CADPS: variants seen among roughly 807,000 people sequenced by gnomAD.
CADPS encodes calcium dependent secretion activator, also known as calcium-dependent secretion activator 1.
A neutral mutation model predicts 167.3 loss-of-function variants in CADPS; 57 were observed. That is an observed-to-expected ratio of 0.34 (90% CI 0.28 to 0.42). The LOEUF is 0.42. CADPS is among the 20% of genes least tolerant of loss of function. CADPS has a pLI of 1.00. For synonymous variants in CADPS, 676 were observed against 635.3 expected, an observed-to-expected ratio of 1.06 and a Z score of -0.96; for missense variants, 1,414 against 1,738.1, an observed-to-expected ratio of 0.81 and a Z score of 3.32.
At chr3:62,707,439 A>G (rs942773936) in intron 3 of CADPS, among the ~76,000 whole-genome samples, 3 of 152,132 alleles carry the variant, frequency 2.0e-5, no homozygotes, top group Admixed American at 2.0e-4. Context: ...TCACCATTAT[A>G]TCCATAACAC....
At chr3:62,783,210 T>C (rs1232625700) in intron 1 of CADPS, among the ~76,000 whole-genome samples, 1 of 152,148 alleles carries the variant, frequency 6.6e-6, no homozygotes, top group Non-Finnish European at 1.5e-5. Context: ...ATGTCAGTGA[T>C]GTGTGTTCTC....
chr3:62,590,265 T>C (rs1404113683), intron 7 of CADPS, among the ~76,000 whole-genome samples: 2 of 152,000 alleles, frequency 1.3e-5, no homozygotes, highest in African/African-American at 4.8e-5. Flanking sequence ...AGGTTGAGCA[T>C]CCTGCGCTGG....
Position 62,549,827 on chromosome 3 carries a change from T to C in CADPS, c.1966+76A>G, listed in dbSNP as rs1431186368. On this transcript the variant is annotated intron_variant, in intron 11 of 29. Coordinates refer to ENST00000383710, the MANE Select transcript of CADPS (RefSeq NM_003716.4). ...TATAAATTTTAAGTATAAAAGCAAC[T>C]AGGTTTTCTAATTCAACTTTGGAAG... 3.5e-6 allele frequency: 4 copies of C among 1,137,342 alleles called. No homozygotes were observed. In the African/African-American group the frequency reaches 6.2e-5, roughly 18 times the overall value. 70.5% of individuals were successfully genotyped at this position (1,137,342 alleles called of 1,614,324 possible). A position where few individuals can be genotyped will look rare whatever the true frequency, so the allele number is the denominator to read the frequency against.
intron 2 of CADPS, among the ~76,000 whole-genome samples, chr3:62,756,000 G>A (rs2083800645): frequency 6.6e-6 from 1 of 151,778 alleles, no homozygotes; most frequent in Non-Finnish European, 1.5e-5. Context: ...CTAACTTGCT[G>A]TGTGACCTTG....
intron 28 of CADPS, chr3:62,404,272 C>T (rs1320657314): frequency 6.6e-6 from 1 of 152,572 alleles, no homozygotes; most frequent in Non-Finnish European, 1.5e-5. Context: ...GATGCATACT[C>T]TCACGCTAAC....
rs774579772 is a variant in CADPS, at chr3:62,518,210, G to A, written c.2332C>T (p.Arg778Cys). The change falls in exon 14 of 30, where the codon CGT (arginine) becomes TGT (cysteine). Residue 778 changes from arginine to cysteine, a missense_variant. Coordinates refer to ENST00000383710, the MANE Select transcript of CADPS (RefSeq NM_003716.4). ...AGCCTCTCTTTGATTTCTTCAAAAC[G>A]TTCCTTTTCTTCAACAGTCACAGTT... Reference protein sequence around the residue: ...IGTVTVEEKERFEEIKERLRV... With the variant: ...IGTVTVEEKECFEEIKERLRV... The A allele has an allele frequency of 5.6e-6, 9 of 1,612,676 alleles. 1 individual carries two copies. Among genetic ancestry groups the A allele is most frequent in the South Asian group, 3.3e-5 (3 of 91,032 alleles).
At chr3:62,520,847 G>C (rs1238751283) in intron 13 of CADPS, among the ~76,000 whole-genome samples, 1 of 152,032 alleles carries the variant, frequency 6.6e-6, no homozygotes, top group Non-Finnish European at 1.5e-5. Context: ...TTTTTTGTTT[G>C]ATTTCACTTC....
At chr3:62,630,197 A>C (rs576459840) in intron 6 of CADPS, among the ~76,000 whole-genome samples, 1 of 152,300 alleles carries the variant, frequency 6.6e-6, no homozygotes, top group African/African-American at 2.4e-5. Flanking sequence ...ATGAATAAGG[A>C]AACAGGTAAC....
intron 17 of CADPS, among the ~76,000 whole-genome samples, chr3:62,504,582 A>G (rs979046317): frequency 6.6e-6 from 1 of 152,238 alleles, no homozygotes; most frequent in Non-Finnish European, 1.5e-5. Context: ...TGAGAAATTC[A>G]TAAAGGGATT....
chr3:62,523,391 C>G (rs2071228057), intron 13 of CADPS, among the ~76,000 whole-genome samples: 1 of 152,106 alleles, frequency 6.6e-6, no homozygotes, highest in South Asian at 2.1e-4. Flanking sequence ...ACAGTGTAGT[C>G]AAAGAATTCA....
At chr3:62,585,614 C>G (rs961998889) in intron 7 of CADPS, among the ~76,000 whole-genome samples, 2 of 152,120 alleles carry the variant, frequency 1.3e-5, no homozygotes, top group African/African-American at 4.8e-5. Flanking sequence ...GAATATTGTC[C>G]ACACATTATT....
intron 1 of CADPS, among the ~76,000 whole-genome samples, chr3:62,842,260 C>T (rs752281993): frequency 1.8e-4 from 27 of 152,198 alleles, no homozygotes; most frequent in Middle Eastern, 3.4e-3. Flanking sequence ...GTGAGGTAGG[C>T]GCTATCATCC....
chr3:62,684,721 C>T (rs2077692387), intron 3 of CADPS, among the ~76,000 whole-genome samples: 1 of 152,000 alleles, frequency 6.6e-6, no homozygotes, highest in Non-Finnish European at 1.5e-5. Context: ...AACCCATCCT[C>T]AGTTCTAGGT....
intron 3 of CADPS, among the ~76,000 whole-genome samples, chr3:62,680,063 T>A (rs2076913312): frequency 6.6e-6 from 1 of 152,032 alleles, no homozygotes; most frequent in South Asian, 2.1e-4. Context: ...TAAAGGTTAC[T>A]TAGGAAGGGA....
intron 1 of CADPS, among the ~76,000 whole-genome samples, chr3:62,866,254 T>C: frequency 6.6e-6 from 1 of 152,090 alleles, no homozygotes; most frequent in Middle Eastern, 3.2e-3. Context: ...CATTTGGTAA[T>C]TGGTTCACTC....
intron 1 of CADPS, among the ~76,000 whole-genome samples, chr3:62,814,734 CAT>C (rs2094536627): frequency 6.6e-6 from 1 of 152,120 alleles, no homozygotes; most frequent in Non-Finnish European, 1.5e-5. Flanking sequence ...GCTGCAAGAC[CAT>C]GTTTCAAATG....
chr3:62,749,540 C>A (rs2152386418), intron 3 of CADPS, among the ~76,000 whole-genome samples: 1 of 152,302 alleles, frequency 6.6e-6, no homozygotes, highest in East Asian at 1.9e-4. Context: ...AAACAGGAAA[C>A]AATTTCAGCA....
At chr3:62,812,570 T>A (rs1297435109) in intron 1 of CADPS, among the ~76,000 whole-genome samples, 1 of 152,196 alleles carries the variant, frequency 6.6e-6, no homozygotes, top group African/African-American at 2.4e-5. Flanking sequence ...AATTTCATTT[T>A]AAAGGCAGCA....
At chr3:62,589,796 G>A (rs1439419231) in intron 7 of CADPS, among the ~76,000 whole-genome samples, 3 of 152,156 alleles carry the variant, frequency 2.0e-5, no homozygotes. Flanking sequence ...TATGTCAGTG[G>A]CCTTAACTTT....
Sources: allele counts gnomAD v4.1 joint callset (sites outside exome capture counted in the v4.1 genomes callset), GRCh38; gene constraint gnomAD v4.1.1; transcripts MANE v1.5; gene names NCBI Gene and HGNC (gene_info 2026-07-23, HGNC 2026-07-21).